Variants in PTPRD observed in about 807,000 individuals in gnomAD.
The protein encoded by PTPRD is protein tyrosine phosphatase receptor type D.
A neutral mutation model predicts 214.5 loss-of-function variants in PTPRD; 34 were observed. The ratio of observed to expected loss-of-function variants is 0.16; its 90% CI spans 0.12 to 0.21. The LOEUF is 0.21. Among genes scored for constraint, PTPRD ranks in the 10% least tolerant of loss-of-function variants. The pLI is 1.00. For synonymous variants in PTPRD, 1,128 were observed against 845.7 expected, an observed-to-expected ratio of 1.33 and a Z score of -5.79; for missense variants, 2,545 against 2,398.7, an observed-to-expected ratio of 1.06 and a Z score of -1.27.
chr9:8,844,043 G>A (rs1424193522), intron 11 of PTPRD, among the ~76,000 whole-genome samples: 1 of 152,104 alleles, frequency 6.6e-6, no homozygotes, highest in Non-Finnish European at 1.5e-5. Flanking sequence ...GCAGAAATGT[G>A]TTTGGTTCTC....
chr9:9,397,276 T>G (rs767520557), intron 9 of PTPRD, among the ~76,000 whole-genome samples, 173 bp downstream of exon 9: 1 of 151,974 alleles, frequency 6.6e-6, no homozygotes, highest in Non-Finnish European at 1.5e-5. Flanking sequence ...AAAACTAAAG[T>G]CTTACTTTTA....
At chr9:8,365,899 AGAT>A (rs2079736416) in intron 39 of PTPRD, among the ~76,000 whole-genome samples, 2 of 152,166 alleles carry the variant, frequency 1.3e-5, no homozygotes, top group African/African-American at 2.4e-5. Context: ...GATAGGCAGA[AGAT>A]CCATGTCCTG....
chr9:9,014,196 TTTG>T (rs1191076590), intron 11 of PTPRD, among the ~76,000 whole-genome samples: 5 of 36,732 alleles, frequency 1.4e-4, no homozygotes, highest in African/African-American at 4.9e-4. Flanking sequence ...TGTTTGTTTG[TTTG>T]TTTTTTTTTT....
intron 11 of PTPRD, among the ~76,000 whole-genome samples, chr9:8,950,655 A>G (rs1212843525): frequency 3.3e-5 from 5 of 151,982 alleles, no homozygotes; most frequent in African/African-American, 7.2e-5. Flanking sequence ...TTTCCAATAG[A>G]TAGAACTTCC....
At chr9:8,560,440 TAC>T (rs71317370) in intron 14 of PTPRD, among the ~76,000 whole-genome samples, 5,787 of 143,208 alleles carry the variant, frequency 0.04, 127 homozygotes, top group Non-Finnish European at 0.051. Flanking sequence ...AAAAAATACA[TAC>T]ACACACACAC....
intron 2 of PTPRD, among the ~76,000 whole-genome samples, chr9:10,361,886 G>A (rs139970978): frequency 6.4e-4 from 97 of 152,300 alleles, no homozygotes; most frequent in Middle Eastern, 3.4e-3. Context: ...CATGAGCAAG[G>A]CTCAGAGCAA....
At chr9:9,403,812 T>C (rs201293786) in intron 8 of PTPRD, among the ~76,000 whole-genome samples, 2 of 152,084 alleles carry the variant, frequency 1.3e-5, no homozygotes, top group East Asian at 3.9e-4. Context: ...ACTTACATTA[T>C]TGTGGCATGG....
intron 3 of PTPRD, among the ~76,000 whole-genome samples, chr9:10,129,367 T>G (rs1207783955): frequency 6.6e-6 from 1 of 152,162 alleles, no homozygotes; most frequent in Non-Finnish European, 1.5e-5. Flanking sequence ...CCTAGTGGCC[T>G]CTTAATTTCA....
At chr9:9,655,635 C>T (rs2096492082) in intron 7 of PTPRD, among the ~76,000 whole-genome samples, 1 of 151,658 alleles carries the variant, frequency 6.6e-6, no homozygotes, top group Non-Finnish European at 1.5e-5. Flanking sequence ...CAAACCAAAC[C>T]AAACCGGAAA....
intron 7 of PTPRD, among the ~76,000 whole-genome samples, chr9:9,640,541 C>A (rs1026607084): frequency 1.3e-5 from 2 of 152,160 alleles, no homozygotes; most frequent in South Asian, 2.1e-4. Flanking sequence ...TCACGTGGAA[C>A]AGAATCATAA....
chr9:9,040,279 A>G (rs1036223145), intron 10 of PTPRD, among the ~76,000 whole-genome samples: 24 of 152,286 alleles, frequency 1.6e-4, no homozygotes, highest in African/African-American at 5.5e-4. Context: ...ATACTTTTAC[A>G]CTATGGTATT....
chr9:9,713,819 T>C (rs900902238), intron 7 of PTPRD, among the ~76,000 whole-genome samples: 3 of 152,130 alleles, frequency 2.0e-5, no homozygotes, highest in Non-Finnish European at 4.4e-5. Flanking sequence ...TTGTCTCCAA[T>C]GTTACAATTC....
intron 12 of PTPRD, among the ~76,000 whole-genome samples, chr9:8,685,514 T>C (rs956015755): frequency 6.6e-6 from 1 of 152,126 alleles, no homozygotes; most frequent in Non-Finnish European, 1.5e-5. Context: ...TGTAACTATA[T>C]CAAGGCAACA....
chr9:8,705,070 CCTTAT>C (rs1156543945), intron 12 of PTPRD, among the ~76,000 whole-genome samples: 1 of 152,098 alleles, frequency 6.6e-6, no homozygotes, highest in African/African-American at 2.4e-5. Context: ...CTGAGCCTCT[CCTTAT>C]ATTACTGCAA....
intron 14 of PTPRD, among the ~76,000 whole-genome samples, chr9:8,626,074 C>T (rs1421913798): frequency 6.6e-6 from 1 of 151,460 alleles, no homozygotes; most frequent in Non-Finnish European, 1.5e-5. Flanking sequence ...CATATCTGTG[C>T]CCTAAATACC....
At chr9:8,419,927 C>G (rs1434135721) in intron 35 of PTPRD, among the ~76,000 whole-genome samples, 1 of 152,058 alleles carries the variant, frequency 6.6e-6, no homozygotes, top group Non-Finnish European at 1.5e-5. Flanking sequence ...TTAGGAAATA[C>G]TTTGAAACAC....
At chr9:8,589,546 GA>G (rs1412201008) in intron 14 of PTPRD, among the ~76,000 whole-genome samples, 5 of 152,188 alleles carry the variant, frequency 3.3e-5, no homozygotes, top group African/African-American at 1.2e-4. Context: ...TTGAAAACAA[GA>G]TACTACTTGG....
intron 9 of PTPRD, among the ~76,000 whole-genome samples, chr9:9,313,915 G>A (rs1342035557): frequency 6.6e-6 from 1 of 152,098 alleles, no homozygotes; most frequent in Non-Finnish European, 1.5e-5. Flanking sequence ...GCATGCACAT[G>A]TGGAAACAAG....
intron 3 of PTPRD, among the ~76,000 whole-genome samples, chr9:10,060,527 T>C (rs189994631): frequency 2.8e-4 from 42 of 152,148 alleles, no homozygotes; most frequent in African/African-American, 9.6e-4. Context: ...GAGGGCACTA[T>C]TGTAATCTCA....
Sources: allele counts gnomAD v4.1 joint callset (sites outside exome capture counted in the v4.1 genomes callset), GRCh38; gene constraint gnomAD v4.1.1; transcripts MANE v1.5; gene names NCBI Gene and HGNC (gene_info 2026-07-23, HGNC 2026-07-21).